The following PDE4DIP variants were observed in gnomAD, a reference collection of about 807,000 sequenced individuals.
The protein encoded by PDE4DIP is phosphodiesterase 4D interacting protein, also known as myomegalin.
A neutral mutation model predicts 221.4 loss-of-function variants in PDE4DIP; 59 were observed. The ratio of observed to expected loss-of-function variants is 0.27; its 90% CI spans 0.22 to 0.33. The LOEUF (loss-of-function observed/expected upper bound fraction) is 0.33. Among genes scored for constraint, PDE4DIP ranks in the 10% least tolerant of loss-of-function variants. The pLI is 1.00. For missense variants in PDE4DIP, 1,036 were observed against 2,154.2 expected, an observed-to-expected ratio of 0.48 and a Z score of 10.28; for synonymous variants, 404 against 815.9, an observed-to-expected ratio of 0.50 and a Z score of 8.60.
chr1:148,940,833 T>C (rs1480592017), intron 5 of PDE4DIP, among the ~76,000 whole-genome samples: 1 of 151,842 alleles, frequency 6.6e-6, no homozygotes, highest in South Asian at 2.1e-4. Context: ...TCAATTTACA[T>C]AGTAGTTTAA....
intron 2 of PDE4DIP, chr1:148,929,496 A>G (rs1360590611): frequency 7.7e-6 from 4 of 519,094 alleles, no homozygotes; most frequent in Non-Finnish European, 1.4e-5. Context: ...CACCAGACCT[A>G]AGACTGCAAA....
intron 1 of PDE4DIP, among the ~76,000 whole-genome samples, chr1:148,823,481 A>G (rs1395720062): frequency 7.3e-5 from 11 of 149,988 alleles, no homozygotes; most frequent in African/African-American, 2.5e-4. Flanking sequence ...AGGCACACGC[A>G]TTTACAGAAT....
At chr1:149,007,123 C>T (rs1455956154) in intron 27 of PDE4DIP, 78 bp from the exon 31 acceptor site, 1 of 659,654 alleles carries the variant, frequency 1.5e-6, no homozygotes, top group Admixed American at 2.5e-5. Context: ...ATAGAAATCT[C>T]TACAGAAGCC....
chr1:148,897,782 C>T (rs61812912), intron 1 of PDE4DIP, among the ~76,000 whole-genome samples: 1 of 144,648 alleles, frequency 6.9e-6, no homozygotes, highest in Non-Finnish European at 1.5e-5. Flanking sequence ...GAGACCCCAT[C>T]TCACACATAC....
chr1:148,961,330 T>C (rs1266913281), intron 6 of PDE4DIP, among the ~76,000 whole-genome samples: 19 of 152,188 alleles, frequency 1.2e-4, no homozygotes, highest in African/African-American at 4.6e-4. Context: ...GCATGCAGTC[T>C]TCCACTGTAA....
At chr1:149,018,844 A>G (rs745937) in intron 35 of PDE4DIP, 183 bp downstream of exon 38, 7 of 280,234 alleles carry the variant, frequency 2.5e-5, no homozygotes, top group African/African-American at 9.8e-5. Context: ...TGTTCCAACT[A>G]TGGGCCCCTC....
Position 148,846,444 on chromosome 1 carries a change from C to CA in PDE4DIP, c.234-16776dup, listed in dbSNP as rs143812422. On this transcript the variant is annotated intron_variant, in intron 1 of 45. Coordinates refer to the PDE4DIP transcript ENST00000524974. ...GGGCAACAAAAGCGAAACTCCGCCT[C>CA]AAAAAAAAAAAAAAAAAAAAAAAAA... Among the ~76,000 whole-genome samples, 28 of 3,536 alleles carry CA rather than the reference C, an allele frequency of 7.9e-3. 1 individual carries two copies. The highest frequency in any genetic ancestry group is 0.011 in the Non-Finnish European group (24 of 2,276). The allele number at this position is 3,536 out of a possible 152,430, so 2.3% of individuals were successfully genotyped here.
intron 37 of PDE4DIP, 164 bp from the exon 41 acceptor site, chr1:149,024,281 C>T (rs2074359932): frequency 7.9e-6 from 5 of 632,152 alleles, no homozygotes; most frequent in Admixed American, 5.7e-5. Context: ...AGCTCAGTGC[C>T]ATCCCCAGGC....
chr1:148,960,104 C>T (rs1413933877), intron 5 of PDE4DIP, among the ~76,000 whole-genome samples: 1 of 152,300 alleles, frequency 6.6e-6, no homozygotes, highest in African/African-American at 2.4e-5. Flanking sequence ...ACAAGGACAT[C>T]TCTTATATAA....
At chr1:148,980,262 C>T (rs754145475) in intron 20 of PDE4DIP, among the ~76,000 whole-genome samples, 44 of 152,090 alleles carry the variant, frequency 2.9e-4, no homozygotes, top group Non-Finnish European at 4.6e-4. Flanking sequence ...TGAGGTAGCG[C>T]GCGCCTGTAG....
chr1:148,932,864 T>C (rs2048365627), intron 4 of PDE4DIP: 1 of 238,126 alleles, frequency 4.2e-6, no homozygotes, highest in African/African-American at 2.3e-5. Flanking sequence ...GATTAAATCA[T>C]AGACATTGGA....
At chr1:148,968,967 G>A (rs1553521615) in exon 14 of PDE4DIP, 2 of 1,611,938 alleles carry the variant, frequency 1.2e-6, no homozygotes, top group Admixed American at 3.3e-5. Context: ...AACAAGTGCT[G>A]GAACATGAAA....
exon 44 of PDE4DIP, chr1:149,032,685 C>T (rs1228131481): frequency 8.0e-5 from 18 of 224,556 alleles, no homozygotes; most frequent in Non-Finnish European, 1.2e-4. Context: ...TTCAAAGTTG[C>T]TGTCCCATTT....
Position 148,994,502 on chromosome 1 carries a change from A to C in PDE4DIP, c.2904+2529A>C, listed in dbSNP as rs587640348. Among the ~76,000 whole-genome samples the C allele has an allele frequency of 2.0e-5, 3 of 150,224 alleles. No homozygotes were observed. In the South Asian group the frequency reaches 6.4e-4, roughly 32 times the overall value. On this transcript the variant is annotated intron_variant, in intron 22 of 43. Transcript: ENST00000369354. ...CAGACGTTAGTAGACAAAGTGTGAT[A>C]AACTTGAAAAAAGCTATTTTAAAAA...
chr1:149,027,291 T>C, intron 39 of PDE4DIP, 110 bp from the exon 43 acceptor site: 1 of 592,954 alleles, frequency 1.7e-6, no homozygotes, highest in Non-Finnish European at 3.1e-6. Flanking sequence ...TCCTTTCTTG[T>C]TCCCGGCCTC....
At chr1:148,971,441 T>C (rs372443450) in intron 14 of PDE4DIP, among the ~76,000 whole-genome samples, 1 of 150,196 alleles carries the variant, frequency 6.7e-6, no homozygotes, top group African/African-American at 2.4e-5. Flanking sequence ...TTAAAAAAAA[T>C]TTTTTCCCAG....
chr1:148,929,260 C>T (rs782040159), exon 2 of PDE4DIP: 50 of 1,611,818 alleles, frequency 3.1e-5, no homozygotes, highest in Non-Finnish European at 4.2e-5. Flanking sequence ...GAAACAGCAT[C>T]TGGATAAAAC....
At chr1:148,987,972 A>C (rs1393412645) in intron 21 of PDE4DIP, among the ~76,000 whole-genome samples, 2 of 152,186 alleles carry the variant, frequency 1.3e-5, no homozygotes, top group African/African-American at 2.4e-5. Flanking sequence ...TTGGAGTTTT[A>C]AGACAGTTAT....
At chr1:148,816,114 A>AATG (rs1427732659) in intron 1 of PDE4DIP, among the ~76,000 whole-genome samples, 1 of 129,910 alleles carries the variant, frequency 7.7e-6, no homozygotes, top group East Asian at 2.3e-4. Context: ...TCAGGCTTAT[A>AATG]ATGATGTACC....
Sources: allele counts gnomAD v4.1 joint callset (sites outside exome capture counted in the v4.1 genomes callset), GRCh38; gene constraint gnomAD v4.1.1; transcripts MANE v1.5; gene names NCBI Gene and HGNC (gene_info 2026-07-23, HGNC 2026-07-21).